LRRC4C: variants seen among roughly 807,000 people sequenced by gnomAD.
The protein encoded by LRRC4C is leucine rich repeat containing 4C, also known as leucine-rich repeat-containing protein 4C.
A neutral mutation model predicts 33.6 loss-of-function variants in LRRC4C; 5 were observed. The ratio of observed to expected loss-of-function variants is 0.15; its 90% confidence interval spans 0.08 to 0.31. The LOEUF (loss-of-function observed/expected upper bound fraction) is 0.31, where lower values mean the gene tolerates loss of function less well. Ranked by LOEUF, LRRC4C falls within the 10% of genes least tolerant of loss-of-function variation. The pLI is 1.00. For synonymous variants in LRRC4C, 329 were observed against 302.0 expected (o/e 1.09, Z -0.93); for missense variants, 560 against 796.7 (o/e 0.70, Z 3.58).
intron 3 of LRRC4C, among the ~76,000 whole-genome samples, chr11:40,564,617 A>T (rs1001724216): frequency 1.3e-5 from 2 of 152,182 alleles, no homozygotes; most frequent in Non-Finnish European, 2.9e-5. Context: ...ATAATCATCA[A>T]ATGATCCTGT....
At chr11:40,969,786 C>T (rs1007844590) in intron 1 of LRRC4C, among the ~76,000 whole-genome samples, 1 of 152,052 alleles carries the variant, frequency 6.6e-6, no homozygotes, top group Non-Finnish European at 1.5e-5. Flanking sequence ...TTTGTGACTC[C>T]CATTATTGCA....
intron 1 of LRRC4C, among the ~76,000 whole-genome samples, chr11:41,447,202 G>A (rs777191505): frequency 1.3e-5 from 2 of 152,054 alleles, no homozygotes; most frequent in East Asian, 1.9e-4. Flanking sequence ...ATCTTTGCAA[G>A]TTACTTAAGC....
intron 3 of LRRC4C, among the ~76,000 whole-genome samples, chr11:40,518,522 T>TA: frequency 6.6e-6 from 1 of 152,160 alleles, no homozygotes; most frequent in East Asian, 1.9e-4. Flanking sequence ...CAGTAGTCAT[T>TA]AGAGAAATGC....
intron 1 of LRRC4C, among the ~76,000 whole-genome samples, chr11:41,366,666 C>A (rs1036827872): frequency 1.3e-5 from 2 of 151,966 alleles, no homozygotes; most frequent in Non-Finnish European, 2.9e-5. Context: ...TAGATAAGGT[C>A]TTTAAGGAAG....
intron 2 of LRRC4C, among the ~76,000 whole-genome samples, chr11:40,655,158 T>C (rs943804718): frequency 6.6e-6 from 1 of 152,234 alleles, no homozygotes; most frequent in Non-Finnish European, 1.5e-5. Flanking sequence ...ACCTAGTTAT[T>C]TATTCATTTA....
intron 2 of LRRC4C, among the ~76,000 whole-genome samples, chr11:40,839,102 A>G (rs1052335350): frequency 6.6e-6 from 1 of 152,168 alleles, no homozygotes; most frequent in Non-Finnish European, 1.5e-5. Context: ...CCTGTTGTAT[A>G]TACAAGTGCA....
At chr11:40,316,717 G>A (rs184407076) in intron 4 of LRRC4C, among the ~76,000 whole-genome samples, 16 of 151,970 alleles carry the variant, frequency 1.1e-4, no homozygotes, top group African/African-American at 2.4e-4. Flanking sequence ...TATCATATGC[G>A]TGACTGTAAA....
chr11:40,776,325 T>TACA (rs1949994340), intron 2 of LRRC4C, among the ~76,000 whole-genome samples: 1 of 152,022 alleles, frequency 6.6e-6, no homozygotes, highest in Non-Finnish European at 1.5e-5. Flanking sequence ...CTTCTCTGTA[T>TACA]GTCTTATAGA....
intron 2 of LRRC4C, among the ~76,000 whole-genome samples, chr11:40,868,511 C>T (rs952982930): frequency 1.3e-5 from 2 of 152,054 alleles, no homozygotes; most frequent in Non-Finnish European, 2.9e-5. Context: ...TCATTCTAAA[C>T]TTTGGAAGAT....
intron 2 of LRRC4C, among the ~76,000 whole-genome samples, chr11:40,921,953 C>T (rs959532954): frequency 2.0e-5 from 3 of 152,142 alleles, no homozygotes; most frequent in Non-Finnish European, 4.4e-5. Flanking sequence ...TCCTTACAAA[C>T]AAATTTAAAT....
intron 1 of LRRC4C, among the ~76,000 whole-genome samples, chr11:41,256,588 T>C (rs775834306): frequency 1.3e-5 from 2 of 151,958 alleles, no homozygotes; most frequent in African/African-American, 4.8e-5. Context: ...TAAAAAGTAA[T>C]CAGCATCTAT....
intron 5 of LRRC4C, among the ~76,000 whole-genome samples, chr11:40,233,019 A>G (rs1421910797): frequency 6.6e-6 from 1 of 152,186 alleles, no homozygotes; most frequent in African/African-American, 2.4e-5. Flanking sequence ...GCTCCTGGCT[A>G]TCTTTCTAGC....
chr11:41,396,791 T>C (rs1953835572), intron 1 of LRRC4C, among the ~76,000 whole-genome samples: 1 of 151,930 alleles, frequency 6.6e-6, no homozygotes, highest in South Asian at 2.1e-4. Context: ...GGGCAAAGAT[T>C]TCATGATGAA....
chr11:41,188,517 C>T (rs942186950), intron 1 of LRRC4C, among the ~76,000 whole-genome samples: 5 of 151,956 alleles, frequency 3.3e-5, no homozygotes, highest in Non-Finnish European at 5.9e-5. Context: ...AGTAATAGAT[C>T]TATGTACAAA....
chr11:40,666,871 C>T (rs1170806448), intron 2 of LRRC4C, among the ~76,000 whole-genome samples: 3 of 152,142 alleles, frequency 2.0e-5, no homozygotes, highest in Non-Finnish European at 4.4e-5. Flanking sequence ...ATAACAACTT[C>T]CTCCTGAGGT....
intron 3 of LRRC4C, among the ~76,000 whole-genome samples, chr11:40,432,198 T>G (rs918539363): frequency 6.6e-6 from 1 of 152,166 alleles, no homozygotes; most frequent in South Asian, 2.1e-4. Context: ...CATTTTTTTT[T>G]TCTTCTTTGA....
intron 2 of LRRC4C, among the ~76,000 whole-genome samples, chr11:40,682,305 C>A (rs1848429691): frequency 6.6e-6 from 1 of 150,416 alleles, no homozygotes; most frequent in Non-Finnish European, 1.5e-5. Context: ...ACTCACTGTG[C>A]TAGAAAAGGG....
Position 40,910,617 on chromosome 11 carries a change from C to T in LRRC4C, c.-407+23018G>A, listed in dbSNP as rs186836282. Reference sequence around the variant, plus strand: ...AACAGCTCCAGTCTACAGCTCCCAGCGTGAGCAACACAGAAGAATGATTTC... The same window carrying T: ...AACAGCTCCAGTCTACAGCTCCCAGTGTGAGCAACACAGAAGAATGATTTC... On this transcript the variant is annotated intron_variant, in intron 2 of 6. Coordinates refer to ENST00000528697, the MANE Select transcript of LRRC4C (RefSeq NM_001258419.2). Among the ~76,000 whole-genome samples, 607 of 152,286 alleles carry T rather than the reference C, an allele frequency of 4.0e-3. 5 individuals carry two copies. The highest frequency in any genetic ancestry group is 0.014 in the African/African-American group (566 of 41,564).
At chr11:41,220,579 A>G (rs1180152003) in intron 1 of LRRC4C, among the ~76,000 whole-genome samples, 2 of 151,340 alleles carry the variant, frequency 1.3e-5, no homozygotes, top group African/African-American at 4.9e-5. Flanking sequence ...CACGTCTGAA[A>G]GTACTTCCAA....
Sources: allele counts gnomAD v4.1 joint callset (sites outside exome capture counted in the v4.1 genomes callset), GRCh38; gene constraint gnomAD v4.1.1; transcripts MANE v1.5; gene names NCBI Gene and HGNC (gene_info 2026-07-23, HGNC 2026-07-21).